The following PTPDC1 variants were observed in gnomAD, a reference collection of about 807,000 sequenced individuals.
PTPDC1 encodes protein tyrosine phosphatase domain containing 1, also known as protein tyrosine phosphatase domain-containing protein 1.
In PTPDC1, 53 loss-of-function variants were observed where a neutral mutation model predicts 75.3. That is an observed-to-expected ratio of 0.70 (90% CI 0.56 to 0.88). The LOEUF (loss-of-function observed/expected upper bound fraction) is 0.88, where lower values mean the gene tolerates loss of function less well. Among genes scored for constraint, PTPDC1 ranks in the 40% least tolerant of loss-of-function variants. The pLI, the probability that PTPDC1 is intolerant of heterozygous loss-of-function variation, is 0.00. For synonymous variants in PTPDC1, 349 were observed against 366.2 expected (o/e 0.95, Z 0.54); for missense variants, 925 against 998.6 (o/e 0.93, Z 0.99).
At chr9:94,043,024 C>G (rs1825477346) in intron 1 of PTPDC1, among the ~76,000 whole-genome samples, 1 of 152,208 alleles carries the variant, frequency 6.6e-6, no homozygotes, top group African/African-American at 2.4e-5. Context: ...AGCTCCACTT[C>G]TAATTCTACT....
chr9:94,098,960 C>T (rs913882338), intron 6 of PTPDC1, among the ~76,000 whole-genome samples: 5 of 152,174 alleles, frequency 3.3e-5, no homozygotes, highest in East Asian at 1.9e-4. Flanking sequence ...GAACTACTGA[C>T]GTGCAGACAT....
At chr9:94,099,962 C>CA (rs1478093924) in intron 6 of PTPDC1, 15 of 152,040 alleles carry the variant, frequency 9.9e-5, no homozygotes, top group Admixed American at 7.9e-4. Flanking sequence ...TTTTAGTTAT[C>CA]AAAAAAATCA....
rs532851131 is a variant in PTPDC1 at position 94,106,906 on chromosome 9, G to A, written c.2311-922G>A. On this transcript the variant is annotated intron_variant, in intron 8 of 8. Transcript: ENST00000620992. ...TGTGTAAATAGTGCGCTCCCATCAA[G>A]GGGAAAGGAAATTTACTTTATCAAG... Among the ~76,000 whole-genome samples the A allele has an allele frequency of 5.9e-5, 9 of 152,152 alleles. No homozygotes were observed. In the South Asian group the frequency reaches 1.9e-3, roughly 32 times the overall value.
At chr9:94,102,558 G>T (rs992692879) in intron 7 of PTPDC1, among the ~76,000 whole-genome samples, 1 of 151,754 alleles carries the variant, frequency 6.6e-6, no homozygotes, top group Non-Finnish European at 1.5e-5. Flanking sequence ...TTTAAAACAG[G>T]GTTTGTTTTT....
At chr9:94,050,863 A>T (rs1304937715) in intron 1 of PTPDC1, among the ~76,000 whole-genome samples, 1 of 152,202 alleles carries the variant, frequency 6.6e-6, no homozygotes, top group Non-Finnish European at 1.5e-5. Context: ...GGCTCCACCC[A>T]GTTCGAGCTT....
chr9:94,046,938 A>G (rs1825617822), intron 1 of PTPDC1, among the ~76,000 whole-genome samples: 2 of 152,318 alleles, frequency 1.3e-5, no homozygotes, highest in South Asian at 2.1e-4. Context: ...TTCAAAGGGA[A>G]TGCTTCCAGT....
exon 2 of PTPDC1, chr9:94,064,802 G>T: frequency 6.2e-7 from 1 of 1,613,080 alleles, no homozygotes; most frequent in Non-Finnish European, 8.5e-7. Context: ...ATAACAGCGA[G>T]TGTGTTGCAA....
At chr9:94,062,142 AC>A (rs1217484610) in intron 1 of PTPDC1, among the ~76,000 whole-genome samples, 2 of 152,082 alleles carry the variant, frequency 1.3e-5, no homozygotes, top group African/African-American at 4.8e-5. Flanking sequence ...TCCACTAGAT[AC>A]CCTAAATTCT....
chr9:94,068,071 A>T (rs1220965710), intron 2 of PTPDC1, among the ~76,000 whole-genome samples: 1 of 151,982 alleles, frequency 6.6e-6, no homozygotes, highest in Non-Finnish European at 1.5e-5. Context: ...GTCTAGTCAG[A>T]TTTTTTTTAA....
intron 1 of PTPDC1, among the ~76,000 whole-genome samples, chr9:94,055,071 G>A (rs970510494): frequency 5.3e-5 from 8 of 152,248 alleles, no homozygotes; most frequent in South Asian, 2.1e-4. Context: ...TTCATGAATC[G>A]TGAATAAAAG....
chr9:94,061,735 G>A (rs898336582), intron 1 of PTPDC1, among the ~76,000 whole-genome samples: 4 of 152,230 alleles, frequency 2.6e-5, no homozygotes, highest in African/African-American at 4.8e-5. Flanking sequence ...CTGCTGGGGT[G>A]CAGGGAGCAG....
At chr9:94,062,846 G>T (rs1261922634) in intron 1 of PTPDC1, among the ~76,000 whole-genome samples, 2 of 152,126 alleles carry the variant, frequency 1.3e-5, no homozygotes, top group Non-Finnish European at 2.9e-5. Flanking sequence ...TAGGCTTTAG[G>T]ATACAGAGAT....
chr9:94,036,478 C>T (rs1000770328), intron 1 of PTPDC1, among the ~76,000 whole-genome samples: 3 of 152,060 alleles, frequency 2.0e-5, no homozygotes, highest in African/African-American at 7.2e-5. Context: ...GTACTCTTGG[C>T]ACCTTTGTCA....
chr9:94,095,255 AGTGTTTGTACTTT>A, intron 4 of PTPDC1, 49 bp from the exon 5 acceptor site: 2 of 1,142,734 alleles, frequency 1.8e-6, no homozygotes, highest in Non-Finnish European at 1.2e-6. Context: ...ACTTTTCATT[AGTGTTTGTACTTT>A]CATTAATTTC....
chr9:94,100,521 G>A (rs574209153), intron 6 of PTPDC1: 1 of 152,330 alleles, frequency 6.6e-6, no homozygotes, highest in African/African-American at 2.4e-5. Context: ...AATAGAAACA[G>A]CACAGACTCT....
At chr9:94,087,993 G>T in intron 3 of PTPDC1, 82 bp downstream of exon 3, 73 of 1,457,794 alleles carry the variant, frequency 5.0e-5, no homozygotes, top group Non-Finnish European at 6.8e-5. Flanking sequence ...GTGAAAGAGT[G>T]CTTTCATTTT....
chr9:94,038,888 T>C (rs1587835739), intron 1 of PTPDC1, among the ~76,000 whole-genome samples: 1 of 152,218 alleles, frequency 6.6e-6, no homozygotes, highest in Non-Finnish European at 1.5e-5. Flanking sequence ...CTTTTACTTA[T>C]TGAAAGGCAT....
Position 94,097,669 on chromosome 9 carries a change from C to T in PTPDC1, c.1103C>T (p.Pro368Leu), listed in dbSNP as rs1258780100. ...ATGATGAAGGATGTGTCCGAAGGAC[C>T]TGGTCTCTCTGCTGAAATAGAAAAG... ...PVMMKDVSEG[P>L]GLSAEIEKTM... The change falls in exon 6 of 9, where the codon CCT becomes CTT. Residue 368 changes from proline to leucine, a missense_variant. By Grantham distance (98) the Pro-to-Leu change is moderately conservative. Transcript: ENST00000620992. The T allele has an allele frequency of 6.2e-7, 1 of 1,614,152 alleles. No individual in the cohort carries two copies. The highest frequency in any genetic ancestry group is 8.5e-7 in the Non-Finnish European group (1 of 1,180,028).
intron 1 of PTPDC1, among the ~76,000 whole-genome samples, chr9:94,046,535 T>C (rs930971209): frequency 6.6e-6 from 1 of 152,236 alleles, no homozygotes; most frequent in Non-Finnish European, 1.5e-5. Flanking sequence ...CAGTGGTTTG[T>C]AGTTCTTCTT....
Sources: gnomAD v4.1 joint callset for allele counts (sites outside exome capture counted in the v4.1 genomes callset) on GRCh38, gnomAD v4.1.1 for gene constraint, MANE v1.5 for transcripts, NCBI Gene and HGNC (gene_info 2026-07-23, HGNC 2026-07-21) for gene names.